ZNF768: variants seen among roughly 807,000 people sequenced by gnomAD.
ZNF768 encodes the protein zinc finger protein 768.
Under a neutral mutation model 39.7 loss-of-function variants are expected in ZNF768, and 12 were observed. That is an observed-to-expected ratio of 0.30 (90% CI 0.19 to 0.49). The LOEUF (loss-of-function observed/expected upper bound fraction) is 0.49. ZNF768 is among the 20% of genes least tolerant of loss of function. The probability of loss-of-function intolerance (pLI) is 0.99; values close to 1 mark genes in which losing one functional copy is unlikely to be tolerated. For missense variants in ZNF768, 613 were observed against 723.2 expected (o/e 0.85, Z 1.75); for synonymous variants, 360 against 288.4 (o/e 1.25, Z -2.52).
upstream of ZNF768, chr16:30,527,321 C>T: frequency 1.0e-6 from 1 of 983,762 alleles, no homozygotes; most frequent in Non-Finnish European, 1.2e-6. Flanking sequence ...TCCCCTGATC[C>T]TCCTCCTCCC....
rs779194247 is a variant in ZNF768 at position 30,525,459 on chromosome 16, C to T, written c.681G>A (p.Pro227=). 86 of 1,614,020 alleles carry T rather than the reference C, an allele frequency of 5.3e-5. No individual in the cohort carries two copies. Among genetic ancestry groups the T allele is most frequent in the Non-Finnish European group, 1.0e-5 (12 of 1,180,050 alleles). ...GGGGATTCTGAAGCATCTCAAACTG[C>T]GGTGTAGACAGCAGGGCCCCTGTGG... ...EMPTGALLST[P]QFEMLQNPLG... is the part of the protein sequence containing the mutation. The change falls in exon 2 of 2, where the codon CCG becomes CCA. Residue 227 remains proline, a synonymous_variant. Transcript: ENST00000380412.
In ZNF768 at chr16:30,526,013, G is replaced by A. The variant is rs754135007; in HGVS notation, c.127C>T (p.Gln43Ter). ...ACTTCATAGTCCCCACTGCCTTCTT[G>A]CTGAGAAATTTCCTCTTCCTCATTC... ...SENEEEEISQ[Q>*]EGSGDYEVEE... The change falls in exon 2 of 2, where the codon CAA becomes TAA. Residue 43 changes from glutamine to a stop codon, truncating the protein, a stop_gained. Transcript: ENST00000380412. LOFTEE classifies it high-confidence loss of function. The A allele has an allele frequency of 2.7e-6, 4 of 1,496,922 alleles. No homozygotes were observed. Among genetic ancestry groups the A allele is most frequent in the Admixed American group, 2.5e-5 (1 of 40,122 alleles). 92.7% of individuals were successfully genotyped at this position (1,496,922 alleles called of 1,614,324 possible).
Position 30,525,428 on chromosome 16 carries a change from G to A in ZNF768, c.712C>T (p.Leu238Phe). The change falls in exon 2 of 2, where the codon CTC becomes TTC. Residue 238 changes from leucine to phenylalanine, a missense_variant. Physicochemically the swap from Leu to Phe is conservative, Grantham distance 22 (BLOSUM62 0). Around this residue, in one of 4 missense-constraint regions of ZNF768, gnomAD observed 347 missense variants for 326.1 expected, o/e 1.06. Transcript: ENST00000380412. ...QFEMLQNPLG[L>F]TGALRGPGRR... ...CCTGGACCTCGAAGGGCTCCTGTGA[G>A]ACCCAGGGGATTCTGAAGCATCTCA... The A allele has an allele frequency of 1.2e-6, 2 of 1,614,148 alleles. No homozygotes were observed. Among genetic ancestry groups the A allele is most frequent in the South Asian group, 1.1e-5 (1 of 91,090 alleles).
chr16:30,529,827 T>TG (rs1463709209), upstream of ZNF768, among the ~76,000 whole-genome samples: 2 of 149,576 alleles, frequency 1.3e-5, no homozygotes, highest in African/African-American at 5.0e-5. Context: ...GCTAGTTTTT[T>TG]TTTTTTTTTT....
chr16:30,526,964 G>A, upstream of ZNF768: 3 of 985,406 alleles, frequency 3.0e-6, no homozygotes, highest in Non-Finnish European at 3.6e-6. Context: ...CGGAGCCCGC[G>A]GGGCTACCGG....
upstream of ZNF768, chr16:30,527,071 G>C: frequency 1.0e-6 from 1 of 985,382 alleles, no homozygotes; most frequent in Non-Finnish European, 1.2e-6. Context: ...GGCCAAGGGC[G>C]AGGCGACAAG....
rs969636600 is a variant in ZNF768 at position 30,526,440 on chromosome 16, G to A, written c.-27C>T. 6.6e-7 allele frequency: 1 copy of A among 1,525,178 alleles called. No individual in the cohort carries two copies. Among genetic ancestry groups the A allele is most frequent in the African/African-American group, 1.4e-5 (1 of 69,714 alleles). 94.5% of individuals were successfully genotyped at this position (1,525,178 alleles called of 1,614,324 possible). A position where few individuals can be genotyped will look rare whatever the true frequency, so the allele number is the denominator to read the frequency against. On this transcript the variant is annotated 5_prime_UTR_variant, in exon 1 of 2. Transcript: ENST00000380412. Reference sequence around the variant, plus strand: ...CCCGCGGGCTCCCAGTGCAGCGGCGGCGGCGATGGCGGCCGATCCCGCGAC... The same window carrying A: ...CCCGCGGGCTCCCAGTGCAGCGGCGACGGCGATGGCGGCCGATCCCGCGAC...
In ZNF768 at chr16:30,524,381, A is replaced by C. The variant is rs1002439579; in HGVS notation, c.*136T>G. ...GTCTCCAGGGCATGTCACTTCCTCC[A>C]CCCTGGTTCTCTTCTTCCAGCATCC... On this transcript the variant is annotated 3_prime_UTR_variant, in exon 2 of 2. Transcript: ENST00000380412. The C allele has an allele frequency of 1.5e-6, 2 of 1,371,138 alleles. No homozygotes were observed. Among genetic ancestry groups the C allele is most frequent in the African/African-American group, 2.9e-5 (2 of 68,550 alleles). 84.9% of individuals were successfully genotyped at this position (1,371,138 alleles called of 1,614,324 possible).
upstream of ZNF768, chr16:30,526,679 G>A (rs1451675156): frequency 6.4e-6 from 6 of 940,996 alleles, no homozygotes; most frequent in African/African-American, 7.1e-5. Flanking sequence ...CGCGGCCTCG[G>A]GGATGAGGGG....
chr16:30,532,314 C>G, the ZNF768 span: 3 of 693,760 alleles, frequency 4.3e-6, no homozygotes, highest in Non-Finnish European at 7.2e-6. Context: ...CCTTGGAGAG[C>G]CCAGGGCAGC....
At chr16:30,527,322 T>G, upstream of ZNF768, 4 of 983,614 alleles carry the variant, frequency 4.1e-6, no homozygotes, top group Non-Finnish European at 4.8e-6. Flanking sequence ...CCCCTGATCC[T>G]CCTCCTCCCT....
At chr16:30,532,364 A>G in the ZNF768 span, 4 of 1,006,720 alleles carry the variant, frequency 4.0e-6, no homozygotes, top group Non-Finnish European at 5.8e-6. Flanking sequence ...CTGAGAGCCC[A>G]AGATCAGACT....
chr16:30,525,146 G>A lies in ZNF768; in HGVS notation c.994C>T (p.Leu332=), dbSNP rs774409725. The A allele has an allele frequency of 3.1e-6, 5 of 1,614,130 alleles. No individual in the cohort carries two copies. The highest frequency in any genetic ancestry group is 1.7e-5 in the Admixed American group (1 of 60,020). ...GAGTGAGTGCGCTGGTGGCGAAGCA[G>A]GTAAGAGCTGTCGGCGAAGGCCTTG... is the stretch of plus-strand genomic sequence containing the variant. ...CGKAFADSSY[L]LRHQRTHSGQ... Residue 332 remains leucine, a synonymous_variant, in exon 2 of 2, where the codon CTG becomes TTG. Coordinates refer to ENST00000380412, the MANE Select transcript of ZNF768 (RefSeq NM_024671.4).
At position 30,525,738 on chromosome 16, in the gene ZNF768, C is replaced by A. The variant is rs200485754; in HGVS notation, c.402G>T (p.Gly134=). ...QSPGYEPRSP[G]YEPRSPGYES... The stretch of plus-strand genomic sequence containing the variant: ...CATAGCCAGGGCTCCGGGGTTCATA[C>A]CCGGGGCTCCGAGGTTCATAGCCAG... The change falls in exon 2 of 2, where the codon GGG becomes GGT. Residue 134 remains glycine (G), a synonymous_variant. Transcript: ENST00000380412. 21 of 1,607,754 alleles carry A rather than the reference C, an allele frequency of 1.3e-5. No homozygotes were observed. Among genetic ancestry groups the A allele is most frequent in the Non-Finnish European group, 1.8e-5 (21 of 1,177,430 alleles).
At chr16:30,527,099 A>T, upstream of ZNF768, 1 of 985,214 alleles carries the variant, frequency 1.0e-6, no homozygotes. Flanking sequence ...AAGGTCAGCG[A>T]GAAGGAGCGA....
At chr16:30,527,008 C>T (rs2051334171), upstream of ZNF768, 1 of 985,314 alleles carries the variant, frequency 1.0e-6, no homozygotes, top group African/African-American at 1.7e-5. Flanking sequence ...AGGTCTCCGT[C>T]CCTCCAGAGG....
chr16:30,524,769 G>GT lies in ZNF768; in HGVS notation c.1370dup (p.Tyr457Ter). The GT allele has an allele frequency of 6.2e-7, 1 of 1,612,464 alleles. No individual in the cohort carries two copies. Among genetic ancestry groups the GT allele is most frequent in the Non-Finnish European group, 8.5e-7 (1 of 1,179,658 alleles). ...HARTHLPGRT[Y>*]SCPDCGKTFN... The stretch of plus-strand genomic sequence containing the variant: ...AGGTCTTGCCGCAGTCGGGGCAGCT[G>GT]TAGGTGCGGCCTGGCAGGTGGGTGC... Residue 457 changes from tyrosine to a stop codon, truncating the protein, a stop_gained and frameshift_variant, in exon 2 of 2, where the codon TAC becomes TAAC. Transcript: ENST00000380412. LOFTEE classifies it high-confidence loss of function.
intron 1 of ZNF768, 23 bp from the exon 2 acceptor site, chr16:30,526,074 T>A: frequency 6.7e-7 from 1 of 1,494,456 alleles, no homozygotes; most frequent in Non-Finnish European, 8.9e-7. Flanking sequence ...AGAATCCAGA[T>A]CGTGTGAGAC....
At chr16:30,527,067 G>C (rs1350577503), upstream of ZNF768, 7 of 985,300 alleles carry the variant, frequency 7.1e-6, no homozygotes, top group African/African-American at 1.2e-4. Flanking sequence ...GTGTGGCCAA[G>C]GGCGAGGCGA....
Sources: allele counts gnomAD v4.1 joint callset (sites outside exome capture counted in the v4.1 genomes callset), GRCh38; gene constraint gnomAD v4.1.1; regional missense constraint gnomAD v4.1.1; transcripts MANE v1.5; gene names NCBI Gene and HGNC (gene_info 2026-07-23, HGNC 2026-07-21).